The following LSAMP variants were observed in gnomAD, a reference collection of about 807,000 sequenced individuals.
LSAMP encodes limbic system associated membrane protein.
In LSAMP, 7 loss-of-function variants were observed where a neutral mutation model predicts 38.6. The ratio of observed to expected loss-of-function variants is 0.18; its 90% CI spans 0.10 to 0.34. The LOEUF is 0.34. LSAMP is among the 10% of genes least tolerant of loss of function. The pLI, the probability that LSAMP is intolerant of heterozygous loss-of-function variation, is 1.00. For missense variants in LSAMP, 313 were observed against 420.0 expected (o/e 0.75, Z 2.23); for synonymous variants, 154 against 166.8 (o/e 0.92, Z 0.59).
At chr3:116,296,889 A>G (rs2047342295) in intron 1 of LSAMP, among the ~76,000 whole-genome samples, 1 of 152,092 alleles carries the variant, frequency 6.6e-6, no homozygotes, top group South Asian at 2.1e-4. Context: ...TATTACATAA[A>G]CAAGAAGGCA....
intron 1 of LSAMP, among the ~76,000 whole-genome samples, chr3:116,117,468 C>A (rs1003065401): frequency 2.0e-5 from 3 of 152,242 alleles, no homozygotes; most frequent in Non-Finnish European, 4.4e-5. Flanking sequence ...TTTCCCATAA[C>A]TGATAGGCTA....
At chr3:116,288,912 T>A (rs1197532262) in intron 1 of LSAMP, among the ~76,000 whole-genome samples, 1 of 152,186 alleles carries the variant, frequency 6.6e-6, no homozygotes, top group Non-Finnish European at 1.5e-5. Flanking sequence ...GAAGTTCAAT[T>A]TTTTATAAAT....
chr3:116,224,012 T>TA (rs910639962), intron 1 of LSAMP, among the ~76,000 whole-genome samples: 1,711 of 146,582 alleles, frequency 0.012, 23 homozygotes, highest in African/African-American at 0.037. Context: ...TGAACTTTCT[T>TA]AAAAAAAAAA....
At chr3:116,285,252 C>T (rs943979416) in intron 1 of LSAMP, among the ~76,000 whole-genome samples, 2 of 152,100 alleles carry the variant, frequency 1.3e-5, no homozygotes, top group African/African-American at 4.8e-5. Flanking sequence ...GGCCTCCCGT[C>T]ACTCATGGAA....
intron 1 of LSAMP, among the ~76,000 whole-genome samples, chr3:116,130,927 T>C (rs931153053): frequency 6.6e-6 from 1 of 151,968 alleles, no homozygotes; most frequent in Non-Finnish European, 1.5e-5. Context: ...TGTATGTTGT[T>C]CTTTAGTCAT....
At chr3:116,276,256 G>T (rs2047050572) in intron 1 of LSAMP, among the ~76,000 whole-genome samples, 1 of 152,180 alleles carries the variant, frequency 6.6e-6, no homozygotes, top group Non-Finnish European at 1.5e-5. Context: ...TGTTATAGGT[G>T]AGTGTGCCTC....
chr3:115,889,598 T>A (rs939983713), intron 3 of LSAMP, among the ~76,000 whole-genome samples: 1 of 151,974 alleles, frequency 6.6e-6, no homozygotes, highest in African/African-American at 2.4e-5. Context: ...ATAACATAAA[T>A]GGAGAAGATG....
Position 116,437,041 on chromosome 3 carries a change from G to A in LSAMP, c.155+7836C>T, listed in dbSNP as rs375257165. On this transcript the variant is annotated intron_variant, in intron 1 of 6. Transcript: ENST00000490035. ...TATGTGTGTGTATATATATATATGT[G>A]TATATATATATATACACACACACAA... Among the ~76,000 whole-genome samples, 54 of 144,180 alleles carry A rather than the reference G, an allele frequency of 3.7e-4. 1 individual carries two copies. In the East Asian group the frequency reaches 8.5e-3, roughly 23 times the overall value. 94.6% of individuals were successfully genotyped at this position (144,180 alleles called of 152,430 possible). A position where few individuals can be genotyped will look rare whatever the true frequency, so the allele number is the denominator to read the frequency against.
At chr3:115,947,983 T>G (rs1323560434) in intron 3 of LSAMP, among the ~76,000 whole-genome samples, 2 of 152,160 alleles carry the variant, frequency 1.3e-5, no homozygotes, top group Non-Finnish European at 2.9e-5. Context: ...ATAAAGTACA[T>G]CTATGTATAG....
At chr3:115,930,544 A>T (rs1937565438) in intron 3 of LSAMP, among the ~76,000 whole-genome samples, 1 of 152,170 alleles carries the variant, frequency 6.6e-6, no homozygotes. Flanking sequence ...CAGTAAGTAG[A>T]AAGAAGAGGT....
intron 2 of LSAMP, among the ~76,000 whole-genome samples, chr3:116,072,220 C>A (rs903863306): frequency 4.6e-5 from 7 of 152,058 alleles, no homozygotes; most frequent in Admixed American, 2.0e-4. Context: ...TGTGATCCAC[C>A]CACCTCGGCC....
chr3:116,086,598 T>C (rs769279985), intron 1 of LSAMP, 42 bp from the exon 2 acceptor site: 55 of 1,482,298 alleles, frequency 3.7e-5, no homozygotes, highest in Non-Finnish European at 4.8e-5. Flanking sequence ...TAACAACAAC[T>C]ATTTCTGCGT....
intron 1 of LSAMP, among the ~76,000 whole-genome samples, chr3:116,157,702 T>C (rs954645576): frequency 4.6e-5 from 7 of 151,674 alleles, no homozygotes; most frequent in Admixed American, 2.6e-4. Flanking sequence ...TGAAACTGGA[T>C]CAGTAATAAA....
At chr3:116,252,637 T>A (rs9850908) in intron 1 of LSAMP, among the ~76,000 whole-genome samples, 1 of 152,108 alleles carries the variant, frequency 6.6e-6, no homozygotes, top group African/African-American at 2.4e-5. Flanking sequence ...TGACTAAACA[T>A]TTTTAATGAA....
intron 1 of LSAMP, among the ~76,000 whole-genome samples, chr3:116,112,992 A>G: frequency 6.6e-6 from 1 of 151,518 alleles, no homozygotes. Context: ...TAGTAGATTC[A>G]GGCAGATGGA....
intron 1 of LSAMP, among the ~76,000 whole-genome samples, chr3:116,173,653 C>T (rs1158077910): frequency 6.6e-6 from 1 of 151,850 alleles, no homozygotes; most frequent in African/African-American, 2.4e-5. Flanking sequence ...TTTTGAAACC[C>T]CAGAAATTTG....
intron 1 of LSAMP, among the ~76,000 whole-genome samples, chr3:116,143,663 G>T (rs1471561831): frequency 6.6e-6 from 1 of 151,726 alleles, no homozygotes; most frequent in Non-Finnish European, 1.5e-5. Flanking sequence ...TGATTTTCCT[G>T]CCTTGTCTTT....
chr3:116,422,144 A>G (rs1225614971), intron 1 of LSAMP, among the ~76,000 whole-genome samples: 1 of 152,232 alleles, frequency 6.6e-6, no homozygotes, highest in East Asian at 1.9e-4. Context: ...CATGAATCTC[A>G]AAAACATTAT....
At chr3:115,986,649 T>A (rs1162797746) in intron 3 of LSAMP, among the ~76,000 whole-genome samples, 1 of 150,428 alleles carries the variant, frequency 6.6e-6, no homozygotes. Context: ...AGTAGGTGAG[T>A]GATCATCTCT....
Sources: gnomAD v4.1 joint callset for allele counts (sites outside exome capture counted in the v4.1 genomes callset) on GRCh38, gnomAD v4.1.1 for gene constraint, MANE v1.5 for transcripts, NCBI Gene and HGNC (gene_info 2026-07-23, HGNC 2026-07-21) for gene names.